The following MAGI1 variants were observed in gnomAD, a reference collection of about 807,000 sequenced individuals.
The protein encoded by MAGI1 is membrane associated guanylate kinase, WW and PDZ domain containing 1.
MAGI1 carries 58 observed loss-of-function variants against 139.9 expected under a neutral mutation model. That is an observed-to-expected ratio of 0.41 (90% CI 0.34 to 0.52). The LOEUF (loss-of-function observed/expected upper bound fraction) is 0.52. MAGI1 is among the 20% of genes least tolerant of loss of function. MAGI1 has a pLI of 0.12. For synonymous variants in MAGI1, 812 were observed against 737.9 expected, an observed-to-expected ratio of 1.10 and a Z score of -1.63; for missense variants, 1,874 against 1,901.6, an observed-to-expected ratio of 0.99 and a Z score of 0.27.
intron 1 of MAGI1, among the ~76,000 whole-genome samples, chr3:65,789,363 AT>A (rs2039609435): frequency 1.3e-5 from 2 of 152,142 alleles, no homozygotes. Flanking sequence ...CTAGGCTGTA[AT>A]AAAAGCCCTT....
At chr3:65,527,885 C>A (rs1349047843) in intron 2 of MAGI1, among the ~76,000 whole-genome samples, 1 of 146,092 alleles carries the variant, frequency 6.8e-6, no homozygotes, top group Non-Finnish European at 1.5e-5. Flanking sequence ...CCAGCCTGGG[C>A]AATAGAGCAA....
At chr3:65,584,481 A>G (rs2081581206) in intron 2 of MAGI1, among the ~76,000 whole-genome samples, 1 of 152,240 alleles carries the variant, frequency 6.6e-6, no homozygotes. Context: ...CTGGGAAGCC[A>G]TTGATTTACT....
chr3:65,769,051 T>C (rs1442599854), intron 1 of MAGI1, among the ~76,000 whole-genome samples: 1 of 152,076 alleles, frequency 6.6e-6, no homozygotes, highest in Non-Finnish European at 1.5e-5. Context: ...TTAAAGCCAC[T>C]GGGCCTGAAA....
At chr3:65,516,438 A>G (rs940453901) in intron 2 of MAGI1, among the ~76,000 whole-genome samples, 1 of 151,904 alleles carries the variant, frequency 6.6e-6, no homozygotes, top group African/African-American at 2.4e-5. Context: ...TGGCCTCCCA[A>G]CGCATTGGAA....
chr3:65,781,101 C>A (rs141694373), intron 1 of MAGI1, among the ~76,000 whole-genome samples: 74 of 151,892 alleles, frequency 4.9e-4, no homozygotes, highest in African/African-American at 1.8e-3. Flanking sequence ...GAGGCTGAGG[C>A]AGGAGAATTG....
chr3:65,619,231 A>G (rs2083541398), intron 2 of MAGI1, among the ~76,000 whole-genome samples: 1 of 152,166 alleles, frequency 6.6e-6, no homozygotes, highest in South Asian at 2.1e-4. Flanking sequence ...AGAAAGTTCA[A>G]TTTTGTTGCT....
At chr3:65,537,329 T>C (rs1345439942) in intron 2 of MAGI1, among the ~76,000 whole-genome samples, 5 of 152,182 alleles carry the variant, frequency 3.3e-5, no homozygotes, top group Non-Finnish European at 7.3e-5. Flanking sequence ...AGCCATACCA[T>C]TCATAAGCAG....
intron 1 of MAGI1, among the ~76,000 whole-genome samples, chr3:65,768,300 G>C (rs2037659839): frequency 1.3e-5 from 2 of 152,016 alleles, no homozygotes; most frequent in South Asian, 4.2e-4. Context: ...CCCACCTGTA[G>C]TCCCAAATAC....
chr3:65,846,602 C>T (rs906226699), intron 1 of MAGI1, among the ~76,000 whole-genome samples: 2 of 152,184 alleles, frequency 1.3e-5, no homozygotes, highest in East Asian at 3.9e-4. Flanking sequence ...CAGTCATGAT[C>T]ACCAATATGT....
intron 1 of MAGI1, among the ~76,000 whole-genome samples, chr3:65,899,460 G>C (rs183820196): frequency 2.0e-5 from 3 of 152,320 alleles, no homozygotes; most frequent in African/African-American, 7.2e-5. Flanking sequence ...GAAGGCAGGG[G>C]AGGAAATGTC....
chr3:65,767,244 T>C lies in MAGI1; in HGVS notation c.314-145156A>G, dbSNP rs1032771007. 2.6e-5 allele frequency among the ~76,000 whole-genome samples: 4 copies of C among 152,236 alleles called. No individual in the cohort carries two copies. In the South Asian group the frequency reaches 6.2e-4, roughly 24 times the overall value. On this transcript the variant is annotated intron_variant, in intron 1 of 22. Transcript: ENST00000402939. Reference sequence around the variant, plus strand: ...GTGTTATCCCCCAAGTTCTATTATATTTCTTACAGATCTAAAATTATATAT... The same window carrying C: ...GTGTTATCCCCCAAGTTCTATTATACTTCTTACAGATCTAAAATTATATAT...
intron 12 of MAGI1, among the ~76,000 whole-genome samples, chr3:65,420,772 T>A (rs1470283333): frequency 1.3e-5 from 2 of 152,198 alleles, no homozygotes; most frequent in African/African-American, 4.8e-5. Flanking sequence ...ATGAGAACTA[T>A]AAATCACACA....
At chr3:65,743,629 G>C (rs892987879) in intron 1 of MAGI1, among the ~76,000 whole-genome samples, 10 of 152,010 alleles carry the variant, frequency 6.6e-5, no homozygotes, top group African/African-American at 2.4e-4. Flanking sequence ...AGAATTGCTT[G>C]AACCTGGGAG....
At chr3:65,789,057 C>A (rs1328482093) in intron 1 of MAGI1, among the ~76,000 whole-genome samples, 1 of 151,970 alleles carries the variant, frequency 6.6e-6, no homozygotes, top group African/African-American at 2.4e-5. Flanking sequence ...GACACCCACC[C>A]GTAGTCCCAG....
chr3:66,013,169 C>T (rs953509028), intron 1 of MAGI1, among the ~76,000 whole-genome samples: 9 of 152,010 alleles, frequency 5.9e-5, no homozygotes, highest in Middle Eastern at 6.8e-3. Context: ...TTTGGGAGGC[C>T]GAGGCGGGTG....
At chr3:65,676,925 G>T (rs2087231127) in intron 1 of MAGI1, among the ~76,000 whole-genome samples, 1 of 152,182 alleles carries the variant, frequency 6.6e-6, no homozygotes, top group African/African-American at 2.4e-5. Context: ...CATTACCAAT[G>T]AGCTATTCAA....
At chr3:65,959,972 A>AT (rs1353656100) in intron 1 of MAGI1, among the ~76,000 whole-genome samples, 2 of 150,490 alleles carry the variant, frequency 1.3e-5, no homozygotes, top group African/African-American at 4.9e-5. Context: ...CGCCCAGCTA[A>AT]TTTTTTTGTA....
chr3:65,420,789 C>T (rs1946585608), intron 12 of MAGI1, among the ~76,000 whole-genome samples: 1 of 152,196 alleles, frequency 6.6e-6, no homozygotes, highest in Admixed American at 6.5e-5. Context: ...CACACGAACA[C>T]ATTTGTAATA....
intron 1 of MAGI1, among the ~76,000 whole-genome samples, chr3:65,949,774 C>A (rs183303356): frequency 4.7e-4 from 71 of 152,244 alleles, no homozygotes; most frequent in Non-Finnish European, 6.2e-4. Context: ...TATATCTTGG[C>A]TCCAGTTTTA....
Sources: gnomAD v4.1 joint callset for allele counts (sites outside exome capture counted in the v4.1 genomes callset) on GRCh38, gnomAD v4.1.1 for gene constraint, MANE v1.5 for transcripts, NCBI Gene and HGNC (gene_info 2026-07-23, HGNC 2026-07-21) for gene names.